Variants in GABRB2 observed in about 807,000 individuals in gnomAD.
GABRB2 encodes gamma-aminobutyric acid type A receptor subunit beta2.
A neutral mutation model predicts 54.7 loss-of-function variants in GABRB2; 16 were observed. The ratio of observed to expected loss-of-function variants is 0.29; its 90% confidence interval spans 0.20 to 0.44. GABRB2 has a LOEUF of 0.44. Ranked by LOEUF, GABRB2 falls within the 20% of genes least tolerant of loss-of-function variation. GABRB2 has a pLI of 1.00. For missense variants in GABRB2, 355 were observed against 644.0 expected, an observed-to-expected ratio of 0.55 and a Z score of 4.86; for synonymous variants, 244 against 233.8, an observed-to-expected ratio of 1.04 and a Z score of -0.40.
intron 9 of GABRB2, among the ~76,000 whole-genome samples, chr5:161,325,643 G>C (rs1343708102): frequency 6.6e-6 from 1 of 152,130 alleles, no homozygotes; most frequent in African/African-American, 2.4e-5. Flanking sequence ...ACAAGTAGTA[G>C]ATGATAGGGT....
At chr5:161,439,990 G>A (rs1382663311) in intron 4 of GABRB2, among the ~76,000 whole-genome samples, 2 of 106,270 alleles carry the variant, frequency 1.9e-5, no homozygotes, top group Non-Finnish European at 3.9e-5. Context: ...TTGTAGAGAA[G>A]AACAAAATAA....
chr5:161,414,967 T>C (rs1031248684), intron 4 of GABRB2, among the ~76,000 whole-genome samples: 2 of 152,204 alleles, frequency 1.3e-5, no homozygotes, highest in Non-Finnish European at 2.9e-5. Context: ...AATCTGTTGT[T>C]TGAGACTTTT....
At chr5:161,481,965 C>T (rs558175842) in intron 3 of GABRB2, among the ~76,000 whole-genome samples, 1 of 152,056 alleles carries the variant, frequency 6.6e-6, no homozygotes, top group South Asian at 2.1e-4. Context: ...CCACTGAGAG[C>T]CCAATCCTCT....
intron 3 of GABRB2, among the ~76,000 whole-genome samples, chr5:161,481,738 T>C (rs1042884388): frequency 5.1e-4 from 77 of 152,152 alleles, no homozygotes; most frequent in African/African-American, 1.7e-3. Flanking sequence ...AAAGTTCATA[T>C]ACATCTTGAC....
At chr5:161,399,390 A>G (rs1424621279) in intron 5 of GABRB2, among the ~76,000 whole-genome samples, 1 of 152,130 alleles carries the variant, frequency 6.6e-6, no homozygotes, top group Admixed American at 6.5e-5. Context: ...AGTCAGATGT[A>G]CTTACGGGGG....
intron 3 of GABRB2, among the ~76,000 whole-genome samples, chr5:161,507,172 G>T (rs1759631570): frequency 6.6e-6 from 1 of 152,028 alleles, no homozygotes; most frequent in South Asian, 2.1e-4. Flanking sequence ...TCATACAATG[G>T]GAGGGAAATG....
rs747275835 is a variant in GABRB2, at chr5:161,467,773, G to A, written c.238-7929C>T. On this transcript the variant is annotated intron_variant, in intron 3 of 9. Transcript: ENST00000393959. ...TATTACCTGAATAATATCAAAATGA[G>A]GCCTAAGTCATATAGTATGTACATT... Among the ~76,000 whole-genome samples, 9 of 152,072 alleles carry A rather than the reference G, an allele frequency of 5.9e-5. 1 individual carries two copies. In the East Asian group the frequency reaches 7.8e-4, roughly 13 times the overall value.
chr5:161,313,909 G>A (rs1039313904), intron 9 of GABRB2, among the ~76,000 whole-genome samples: 7 of 152,164 alleles, frequency 4.6e-5, no homozygotes, highest in African/African-American at 1.7e-4. Flanking sequence ...CTTAACTGTT[G>A]GCTTGGTCTC....
intron 9 of GABRB2, among the ~76,000 whole-genome samples, chr5:161,316,481 G>A (rs1230008886): frequency 6.6e-6 from 1 of 152,200 alleles, no homozygotes; most frequent in African/African-American, 2.4e-5. Flanking sequence ...GGCAGTTACT[G>A]TTCAGGCTTA....
At chr5:161,547,848 A>T (rs1448444771), upstream of GABRB2, 1 of 151,956 alleles carries the variant, frequency 6.6e-6, no homozygotes, top group Non-Finnish European at 1.5e-5. Flanking sequence ...GCGCGCACAC[A>T]CGTGCAGGCG....
chr5:161,403,336 A>C (rs1756257611), intron 5 of GABRB2, among the ~76,000 whole-genome samples: 1 of 152,144 alleles, frequency 6.6e-6, no homozygotes, highest in South Asian at 2.1e-4. Context: ...GAAAGGTCCT[A>C]GCACACTCTC....
intron 5 of GABRB2, among the ~76,000 whole-genome samples, chr5:161,337,703 A>C (rs570673455): frequency 6.6e-6 from 1 of 152,258 alleles, no homozygotes; most frequent in Non-Finnish European, 1.5e-5. Context: ...GAATAAGCAC[A>C]TATTAGATTG....
intron 9 of GABRB2, among the ~76,000 whole-genome samples, chr5:161,295,847 A>G (rs1262117063): frequency 6.6e-6 from 1 of 152,202 alleles, no homozygotes; most frequent in African/African-American, 2.4e-5. Flanking sequence ...AGGAAACACT[A>G]AACAAATAGA....
intron 3 of GABRB2, among the ~76,000 whole-genome samples, chr5:161,524,161 A>G (rs1760202023): frequency 6.6e-6 from 1 of 151,388 alleles, no homozygotes; most frequent in Non-Finnish European, 1.5e-5. Flanking sequence ...AAGAACCAAG[A>G]GTAGAAAATA....
At chr5:161,496,178 G>A (rs1419731205) in intron 3 of GABRB2, among the ~76,000 whole-genome samples, 1 of 152,108 alleles carries the variant, frequency 6.6e-6, no homozygotes, top group East Asian at 1.9e-4. Flanking sequence ...CTAGCTGTGT[G>A]ATTTGACTTT....
At chr5:161,543,158 T>C (rs1168519455) in intron 3 of GABRB2, among the ~76,000 whole-genome samples, 1 of 152,240 alleles carries the variant, frequency 6.6e-6, no homozygotes, top group Non-Finnish European at 1.5e-5. Context: ...ATTTACAACC[T>C]GATATTCATT....
chr5:161,332,764 G>A (rs894247223), intron 7 of GABRB2, among the ~76,000 whole-genome samples: 2 of 152,042 alleles, frequency 1.3e-5, no homozygotes, highest in South Asian at 2.1e-4. Context: ...GGGGGACACA[G>A]TTTTCTGATT....
chr5:161,546,561 A>T lies in GABRB2; in HGVS notation c.77+6T>A, dbSNP rs1760991511. ...AACGGAAAAGAGAAACGCTGGGCACACTTACCTCTGCGCACAGACAGCGGC... is the reference window on the plus strand; with the variant it reads ...AACGGAAAAGAGAAACGCTGGGCACTCTTACCTCTGCGCACAGACAGCGGC... On this transcript the variant is annotated splice_donor_region_variant and intron_variant, in intron 1 of 9. Transcript: ENST00000393959. The T allele has an allele frequency of 6.3e-7, 1 of 1,594,972 alleles. No individual in the cohort carries two copies. Among genetic ancestry groups the T allele is most frequent in the East Asian group, 2.2e-5 (1 of 44,448 alleles).
At chr5:161,294,545 C>G in intron 9 of GABRB2, 117 bp from the exon 10 acceptor site, 1 of 793,994 alleles carries the variant, frequency 1.3e-6, no homozygotes, top group Middle Eastern at 2.7e-4. Flanking sequence ...AGAGAGCTAC[C>G]TTTGCGATTA....
Sources: gnomAD v4.1 joint callset for allele counts (sites outside exome capture counted in the v4.1 genomes callset) on GRCh38, gnomAD v4.1.1 for gene constraint, MANE v1.5 for transcripts, NCBI Gene and HGNC (gene_info 2026-07-23, HGNC 2026-07-21) for gene names.